Variants in LAMA2 observed in about 807,000 individuals in gnomAD.
The protein encoded by LAMA2 is laminin subunit alpha-2.
A neutral mutation model predicts 364.8 loss-of-function variants in LAMA2; 269 were observed. That is an observed-to-expected ratio of 0.74 (90% CI 0.67 to 0.82). The LOEUF (loss-of-function observed/expected upper bound fraction) is 0.82. LAMA2 is among the 40% of genes least tolerant of loss of function. The probability of loss-of-function intolerance (pLI) is 0.00; values close to 1 mark genes in which losing one functional copy is unlikely to be tolerated. For synonymous variants in LAMA2, 1,379 were observed against 1,370.6 expected (o/e 1.01, Z -0.14); for missense variants, 3,807 against 3,873.2 (o/e 0.98, Z 0.45).
intron 41 of LAMA2, 40 bp from the exon 42 acceptor site, chr6:129,438,606 T>C: frequency 2.0e-6 from 2 of 1,023,216 alleles, no homozygotes; most frequent in East Asian, 2.4e-5. Flanking sequence ...TCAGGGATGA[T>C]AAAACTTATT....
Position 128,967,940 on chromosome 6 carries a change from A to G in LAMA2, c.113-81978A>G, listed in dbSNP as rs933538482. Among the ~76,000 whole-genome samples the G allele has an allele frequency of 2.0e-5, 3 of 152,190 alleles. No homozygotes were observed. The East Asian group carries it at 5.8e-4, about 29-fold the overall frequency. ...CCCAGGTCCATCGTTGCTCAAGGGT[A>G]AGATCACAGACCTAGTGCCTGCATT... On this transcript the variant is annotated intron_variant, in intron 1 of 64. Transcript: ENST00000421865.
chr6:128,996,657 A>G (rs1783960276), intron 1 of LAMA2, among the ~76,000 whole-genome samples: 1 of 152,208 alleles, frequency 6.6e-6, no homozygotes, highest in Non-Finnish European at 1.5e-5. Context: ...GAGAAATAGG[A>G]ATGCTTTTAC....
chr6:129,007,852 A>C (rs774630315), intron 1 of LAMA2, among the ~76,000 whole-genome samples: 6 of 152,152 alleles, frequency 3.9e-5, no homozygotes, highest in Non-Finnish European at 8.8e-5. Flanking sequence ...TGTGTTGATT[A>C]GTTTGTCTTT....
chr6:129,096,383 A>G (rs970200424), intron 3 of LAMA2, among the ~76,000 whole-genome samples: 2 of 152,222 alleles, frequency 1.3e-5, no homozygotes, highest in African/African-American at 4.8e-5. Context: ...ACGGGATGGA[A>G]AATAAAAGTC....
intron 3 of LAMA2, among the ~76,000 whole-genome samples, chr6:129,061,387 C>T (rs191404795): frequency 8.7e-4 from 133 of 152,258 alleles, no homozygotes; most frequent in Non-Finnish European, 8.7e-4. Flanking sequence ...ATAATTTGCA[C>T]AAATCACTTA....
At chr6:129,036,326 A>T (rs1417341355) in intron 1 of LAMA2, among the ~76,000 whole-genome samples, 1 of 152,150 alleles carries the variant, frequency 6.6e-6, no homozygotes. Flanking sequence ...TAGATGGATG[A>T]TGTCCTTTGT....
rs764082891 is a variant in LAMA2 at position 129,147,062 on chromosome 6, T to G, written c.909+14T>G. 2 of 1,504,154 alleles carry G rather than the reference T, an allele frequency of 1.3e-6. No individual in the cohort carries two copies. The highest frequency in any genetic ancestry group is 1.1e-5 in the South Asian group (1 of 89,008). The allele number at this position is 1,504,154 out of a possible 1,614,324, so 93.2% of individuals were successfully genotyped here. On this transcript the variant is annotated intron_variant, in intron 6 of 64. Transcript: ENST00000421865. Reference sequence around the variant, plus strand: ...CCAGCGACAAATGTATGTATATTTATAGGATGCTTAGGCAAAATGAAGCCC... The same window carrying G: ...CCAGCGACAAATGTATGTATATTTAGAGGATGCTTAGGCAAAATGAAGCCC...
In LAMA2 at chr6:129,464,414, T is replaced by G; in HGVS notation, c.7117T>G (p.Ser2373Ala). 1 of 1,612,398 alleles carries G rather than the reference T, an allele frequency of 6.2e-7. No individual in the cohort carries two copies. The change falls in exon 50 of 65, where the codon TCG (serine) becomes GCG (alanine). Residue 2373 changes from serine to alanine, a missense_variant. This residue lies in a region of LAMA2 where 3,333 missense variants were observed against 3,345.7 expected (regional missense o/e 1.00). Coordinates refer to ENST00000421865, the MANE Select transcript of LAMA2 (RefSeq NM_000426.4). The stretch of plus-strand genomic sequence containing the variant: ...CATGTTCAAGTTCAGAACATTTTCT[T>G]CGAGTGCTCTTCTGATGTATCTTGC... ...TVMFKFRTFS[S>A]SALLMYLATR...
intron 24 of LAMA2, among the ~76,000 whole-genome samples, chr6:129,315,193 A>G (rs566949986): frequency 6.6e-6 from 1 of 152,100 alleles, no homozygotes; most frequent in Non-Finnish European, 1.5e-5. Context: ...GAGTGAAAAC[A>G]TGTTCATTTT....
At chr6:129,475,817 G>A (rs1246873120) in intron 53 of LAMA2, among the ~76,000 whole-genome samples, 5 of 152,130 alleles carry the variant, frequency 3.3e-5, no homozygotes, top group Admixed American at 6.5e-5. Context: ...GCTGTCTGCT[G>A]AAGAATCAAA....
chr6:128,987,301 G>A (rs796818830), intron 1 of LAMA2, among the ~76,000 whole-genome samples: 17 of 151,872 alleles, frequency 1.1e-4, no homozygotes, highest in African/African-American at 4.1e-4. Context: ...CCCACACCTG[G>A]CTTTTCTTTT....
At chr6:129,419,072 A>G (rs914689057) in intron 40 of LAMA2, among the ~76,000 whole-genome samples, 1 of 151,536 alleles carries the variant, frequency 6.6e-6, no homozygotes, top group East Asian at 1.9e-4. Flanking sequence ...TTTTTTGTAC[A>G]TGATACTCTC....
Position 129,099,126 on chromosome 6 carries a change from T to TG in LAMA2, c.639+711_639+712insG, listed in dbSNP as rs58162882. Among the ~76,000 whole-genome samples the TG allele has an allele frequency of 0.022, 279 of 12,678 alleles. 6 individuals are homozygous for TG. The Admixed American group carries it at 0.26, about 12-fold the overall frequency. The allele number at this position is 12,678 out of a possible 152,430, so 8.3% of individuals were successfully genotyped here. Reference sequence around the variant, plus strand: ...TGGGGGCGGGGAGGTTTTTTTTTTGTTTTTTTTTTTTTTGTTTTCTGGCTT... The same window carrying TG: ...TGGGGGCGGGGAGGTTTTTTTTTTGTGTTTTTTTTTTTTTGTTTTCTGGCTT... On this transcript the variant is annotated intron_variant, in intron 4 of 64. Transcript: ENST00000421865.
At chr6:129,501,985 A>G (rs943979818) in intron 58 of LAMA2, among the ~76,000 whole-genome samples, 3 of 152,118 alleles carry the variant, frequency 2.0e-5, no homozygotes, top group Non-Finnish European at 2.9e-5. Flanking sequence ...AGAGCATTAA[A>G]CCATGTGACT....
chr6:129,437,535 A>G (rs887208550), intron 41 of LAMA2, among the ~76,000 whole-genome samples: 5 of 152,004 alleles, frequency 3.3e-5, no homozygotes, highest in Admixed American at 1.3e-4. Flanking sequence ...TACATGTTGC[A>G]TTTCTGTGGA....
chr6:129,187,120 G>C (rs6902612), intron 10 of LAMA2, among the ~76,000 whole-genome samples: 52,413 of 151,550 alleles, frequency 0.35, 12,874 homozygotes, highest in African/African-American at 0.71. Context: ...AACTTTAAGT[G>C]CTAGAATATT....
rs1786300289 is a variant in LAMA2, at chr6:129,252,131, C to T, written c.1932C>T (p.His644=). 6.2e-7 allele frequency: 1 copy of T among 1,613,484 alleles called. No homozygotes were observed. Among genetic ancestry groups the T allele is most frequent in the Admixed American group, 1.7e-5 (1 of 59,984 alleles). ...CAGCCCAAGATGAGGTGTACCTGCA[C>T]CCATCTGAAGAACATACTAATGTAT... The part of the protein sequence containing the change: ...ISTAQDEVYL[H]PSEEHTNVLL... Residue 644 remains histidine, a synonymous_variant, in exon 14 of 65, where the codon CAC becomes CAT. Coordinates refer to ENST00000421865, the MANE Select transcript of LAMA2 (RefSeq NM_000426.4).
chr6:128,978,290 T>C (rs978558832), intron 1 of LAMA2, among the ~76,000 whole-genome samples: 2 of 151,600 alleles, frequency 1.3e-5, no homozygotes, highest in Non-Finnish European at 2.9e-5. Context: ...CTTTCAGAAA[T>C]TTTTTTTTCT....
intron 36 of LAMA2, 69 bp downstream of exon 36, chr6:129,391,722 A>G: frequency 1.4e-6 from 2 of 1,386,740 alleles, no homozygotes; most frequent in South Asian, 1.2e-5. Flanking sequence ...AGTTTTCTAA[A>G]TTTTTATCAC....
Sources: allele counts gnomAD v4.1 joint callset (sites outside exome capture counted in the v4.1 genomes callset), GRCh38; gene constraint gnomAD v4.1.1; regional missense constraint gnomAD v4.1.1; transcripts MANE v1.5; gene names NCBI Gene and HGNC (gene_info 2026-07-23, HGNC 2026-07-21).